UBE3C: variants seen among roughly 807,000 people sequenced by gnomAD.
UBE3C encodes ubiquitin protein ligase E3C.
UBE3C carries 42 observed loss-of-function variants against 129.4 expected under a neutral mutation model. That is an observed-to-expected ratio of 0.32 (90% CI 0.25 to 0.42). The LOEUF (loss-of-function observed/expected upper bound fraction) is 0.42, where lower values mean the gene tolerates loss of function less well. Ranked by LOEUF, UBE3C falls within the 10% of genes least tolerant of loss-of-function variation. UBE3C has a pLI of 1.00. For missense variants in UBE3C, 1,049 were observed against 1,319.1 expected (o/e 0.80, Z 3.17); for synonymous variants, 510 against 492.4 (o/e 1.04, Z -0.47).
chr7:157,249,567 C>T (rs961962894), intron 19 of UBE3C, among the ~76,000 whole-genome samples: 1 of 152,232 alleles, frequency 6.6e-6, no homozygotes, highest in African/African-American at 2.4e-5. Flanking sequence ...CCTGCCTTGG[C>T]CTCCTGAAGT....
At chr7:157,241,342 A>G (rs1319684111) in intron 18 of UBE3C, among the ~76,000 whole-genome samples, 1 of 152,250 alleles carries the variant, frequency 6.6e-6, no homozygotes, top group Admixed American at 6.5e-5. Flanking sequence ...AATACAACAC[A>G]CTGAAAGAGA....
At chr7:157,155,020 T>A (rs1807862782) in intron 1 of UBE3C, among the ~76,000 whole-genome samples, 1 of 152,216 alleles carries the variant, frequency 6.6e-6, no homozygotes, top group Non-Finnish European at 1.5e-5. Context: ...TTAAAAACTT[T>A]CTTTTGAACT....
intron 22 of UBE3C, among the ~76,000 whole-genome samples, chr7:157,257,932 T>C (rs1796797282): frequency 6.7e-6 from 1 of 149,678 alleles, no homozygotes; most frequent in Non-Finnish European, 1.5e-5. Context: ...ATTCACTTTC[T>C]TTTTTCCTTT....
At chr7:157,141,980 C>G (rs776572627) in intron 1 of UBE3C, among the ~76,000 whole-genome samples, 1 of 152,228 alleles carries the variant, frequency 6.6e-6, no homozygotes, top group African/African-American at 2.4e-5. Context: ...TTGTGCACAC[C>G]GCTGCCACAG....
chr7:157,203,165 G>T (rs1231498951), intron 11 of UBE3C, among the ~76,000 whole-genome samples: 1 of 152,168 alleles, frequency 6.6e-6, no homozygotes, highest in Non-Finnish European at 1.5e-5. Context: ...GGGAATGTCA[G>T]TTTCTCAATA....
chr7:157,203,406 T>G lies in UBE3C; in HGVS notation c.1418+1599T>G, dbSNP rs868497978. Among the ~76,000 whole-genome samples, 146 of 151,970 alleles carry G rather than the reference T, an allele frequency of 9.6e-4. 2 individuals carry two copies. Among genetic ancestry groups the G allele is most frequent in the Admixed American group, 2.0e-3 (30 of 15,256 alleles). The stretch of plus-strand genomic sequence containing the variant: ...AAGATTTTAAGTATGTTTTGTTGTG[T>G]TTTTTTTGGTGCATTTCAGCCACTT... On this transcript the variant is annotated intron_variant, in intron 11 of 22. Coordinates refer to ENST00000348165, the MANE Select transcript of UBE3C (RefSeq NM_014671.3).
At chr7:157,228,146 T>G (rs1795929495) in intron 17 of UBE3C, among the ~76,000 whole-genome samples, 1 of 152,246 alleles carries the variant, frequency 6.6e-6, no homozygotes, top group Non-Finnish European at 1.5e-5. Flanking sequence ...CGATGCTCGT[T>G]GTCTTATCTC....
chr7:157,217,708 A>G (rs1257589323), intron 14 of UBE3C, among the ~76,000 whole-genome samples: 1 of 152,052 alleles, frequency 6.6e-6, no homozygotes, highest in African/African-American at 2.4e-5. Context: ...GTGGTGGCAG[A>G]CGCCTGTAAT....
chr7:157,216,642 T>C (rs1045271727), intron 13 of UBE3C, among the ~76,000 whole-genome samples: 3 of 152,242 alleles, frequency 2.0e-5, no homozygotes, highest in African/African-American at 7.2e-5. Flanking sequence ...AATTATCATG[T>C]ACATGTGTTT....
intron 22 of UBE3C, among the ~76,000 whole-genome samples, chr7:157,265,841 CTG>C (rs1247304458): frequency 2.0e-5 from 3 of 152,248 alleles, no homozygotes; most frequent in East Asian, 3.8e-4. Context: ...AATTTTCACA[CTG>C]TACCTTTAAA....
chr7:157,250,018 A>C (rs540414766), intron 19 of UBE3C, among the ~76,000 whole-genome samples: 2 of 152,148 alleles, frequency 1.3e-5, no homozygotes, highest in African/African-American at 4.8e-5. Flanking sequence ...TGGGGGGAAA[A>C]AATACAAATC....
chr7:157,181,460 T>G, intron 6 of UBE3C, 58 bp from the exon 7 acceptor site: 2 of 1,494,088 alleles, frequency 1.3e-6, no homozygotes, highest in East Asian at 4.7e-5. Flanking sequence ...AATTGGCAAG[T>G]TTTTTCCCTT....
At chr7:157,235,304 T>C (rs909637293) in intron 18 of UBE3C, among the ~76,000 whole-genome samples, 1 of 152,188 alleles carries the variant, frequency 6.6e-6, no homozygotes, top group African/African-American at 2.4e-5. Flanking sequence ...TAAAGGTGAG[T>C]GTTCTGCTAG....
At chr7:157,232,767 G>C (rs927831041) in intron 18 of UBE3C, among the ~76,000 whole-genome samples, 2 of 152,106 alleles carry the variant, frequency 1.3e-5, no homozygotes, top group African/African-American at 2.4e-5. Context: ...TGTCTCATTG[G>C]TGGTTCTGTT....
chr7:157,201,840 A>C, intron 11 of UBE3C, 33 bp downstream of exon 11: 24 of 1,558,350 alleles, frequency 1.5e-5, no homozygotes, highest in Non-Finnish European at 2.0e-5. Context: ...AATTGAGCTC[A>C]AGGGCACAGG....
intron 5 of UBE3C, 95 bp from the exon 6 acceptor site, chr7:157,178,595 A>G (rs375153532): frequency 1.6e-6 from 2 of 1,278,664 alleles, no homozygotes; most frequent in African/African-American, 3.0e-5. Flanking sequence ...TTGTACTGGA[A>G]TAGTTTCTTA....
rs1329503314 is a variant in UBE3C, at chr7:157,268,613, G to C, written c.*858G>C. 6.6e-6 allele frequency: 1 copy of C among 152,666 alleles called. No individual in the cohort carries two copies. Among genetic ancestry groups the C allele is most frequent in the African/African-American group, 2.4e-5 (1 of 41,454 alleles). The allele number at this position is 152,666 out of a possible 1,614,324, so 9.5% of individuals were successfully genotyped here. A position where few individuals can be genotyped will look rare whatever the true frequency, so the allele number is the denominator to read the frequency against. On this transcript the variant is annotated 3_prime_UTR_variant, in exon 23 of 23. Transcript: ENST00000348165. ...CGGCTGCATCTTTGTCCCGATGCTAGCCGTGCCGGTCTCCCATCATCCGCT... is the reference window on the plus strand; with the variant it reads ...CGGCTGCATCTTTGTCCCGATGCTACCCGTGCCGGTCTCCCATCATCCGCT...
intron 10 of UBE3C, among the ~76,000 whole-genome samples, chr7:157,189,882 C>A (rs1269575231): frequency 2.0e-5 from 3 of 152,134 alleles, no homozygotes. Flanking sequence ...CTCACTGCAA[C>A]CTCCACCTCC....
intron 16 of UBE3C, 44 bp from the exon 17 acceptor site, chr7:157,225,363 G>A (rs1795847464): frequency 6.4e-7 from 1 of 1,568,888 alleles, no homozygotes. Context: ...GGTTGTAAGA[G>A]GTCTTTTGTT....
Sources: gnomAD v4.1 joint callset for allele counts (sites outside exome capture counted in the v4.1 genomes callset) on GRCh38, gnomAD v4.1.1 for gene constraint, MANE v1.5 for transcripts, NCBI Gene and HGNC (gene_info 2026-07-23, HGNC 2026-07-21) for gene names.